Variants in MX1 observed in about 807,000 individuals in gnomAD.
MX1 encodes the protein interferon-induced GTP-binding protein Mx1.
Under a neutral mutation model 66.4 loss-of-function variants are expected in MX1, and 66 were observed. That is an observed-to-expected ratio of 0.99 (90% CI 0.82 to 1.22). The LOEUF (loss-of-function observed/expected upper bound fraction) is 1.22, where lower values mean the gene tolerates loss of function less well. Ranked by LOEUF, MX1 falls within the 50% of genes most tolerant of loss-of-function variation. The pLI, the probability that MX1 is intolerant of heterozygous loss-of-function variation, is 0.00. For synonymous variants in MX1, 311 were observed against 318.1 expected, an observed-to-expected ratio of 0.98 and a Z score of 0.24; for missense variants, 787 against 834.3, an observed-to-expected ratio of 0.94 and a Z score of 0.70.
In MX1 at chr21:41,440,939, T is replaced by C. The variant is rs1439237613; in HGVS notation, c.644T>C (p.Val215Ala). The C allele has an allele frequency of 6.2e-7, 1 of 1,614,136 alleles. No homozygotes were observed. The highest frequency in any genetic ancestry group is 8.5e-7 in the Non-Finnish European group (1 of 1,179,998). The change falls in exon 9 of 17, where the codon GTG becomes GCG. Residue 215 changes from valine (V) to alanine (A), a missense_variant. Transcript: ENST00000398598. ...CAGAGGCAGGAGACAATCAGCCTGGTGGTGGTCCCCAGTAATGTGGACATC... is the reference window on the plus strand; with the variant it reads ...CAGAGGCAGGAGACAATCAGCCTGGCGGTGGTCCCCAGTAATGTGGACATC... ...YIQRQETISLVVVPSNVDIAT... is the reference protein window; with the variant it reads ...YIQRQETISLAVVPSNVDIAT...
intron 16 of MX1, 52 bp downstream of exon 16, chr21:41,452,921 T>C (rs2090871849): frequency 6.3e-7 from 1 of 1,594,684 alleles, no homozygotes; most frequent in Non-Finnish European, 8.5e-7. Context: ...CCTTTTCTTC[T>C]GAACGCCTCT....
chr21:41,441,814 A>T lies in MX1; in HGVS notation c.829A>T (p.Ile277Phe). 1 of 1,614,130 alleles carries T rather than the reference A, an allele frequency of 6.2e-7. No homozygotes were observed. The highest frequency in any genetic ancestry group is 8.5e-7 in the Non-Finnish European group (1 of 1,180,016). ...GTTCCACCTGAAGAAGGGTTACATGATTGTCAAGTGCCGGGGCCAGCAGGA... is the reference window on the plus strand; with the variant it reads ...GTTCCACCTGAAGAAGGGTTACATGTTTGTCAAGTGCCGGGGCCAGCAGGA... ...LVFHLKKGYM[I>F]VKCRGQQEIQ... Residue 277 changes from isoleucine (I) to phenylalanine (F), a missense_variant, in exon 10 of 17, where the codon ATT becomes TTT. Transcript: ENST00000398598. This position sits in a 1 kb window ranked among gnomAD's most constrained non-coding sequence, Gnocchi z 4.0.
intron 5 of MX1, 44 bp downstream of exon 5, chr21:41,432,219 T>G: frequency 6.3e-7 from 1 of 1,577,722 alleles, no homozygotes; most frequent in Non-Finnish European, 8.7e-7. Context: ...ACATGAGCCA[T>G]GCCCATTCGA....
At chr21:41,425,822 A>C (rs2090047245), upstream of MX1, among the ~76,000 whole-genome samples, 1 of 152,122 alleles carries the variant, frequency 6.6e-6, no homozygotes, top group Admixed American at 6.5e-5. Flanking sequence ...ATTGGCACAC[A>C]ATGCCTGGGA....
At position 41,447,148 on chromosome 21, in the gene MX1, G is replaced by A. The variant is rs557464914; in HGVS notation, c.1273+1007G>A. ...CTGGAAGTCCAAGATCAAGATGTTG[G>A]TGGAGCTGGTTCCTTCTAAGGCCTC... On this transcript the variant is annotated intron_variant, in intron 13 of 16. Coordinates refer to ENST00000398598, the MANE Select transcript of MX1 (RefSeq NM_002462.5). Among the ~76,000 whole-genome samples, 272 of 152,262 alleles carry A rather than the reference G, an allele frequency of 1.8e-3. 1 individual carries two copies. Among genetic ancestry groups the A allele is most frequent in the African/African-American group, 6.3e-3 (262 of 41,546 alleles).
At chr21:41,436,411 A>G (rs970055170) in intron 6 of MX1, among the ~76,000 whole-genome samples, 5 of 152,250 alleles carry the variant, frequency 3.3e-5, no homozygotes, top group African/African-American at 1.2e-4. Flanking sequence ...ACACCATTTC[A>G]TAACGCTATC....
At chr21:41,432,234 G>A in intron 5 of MX1, 59 bp downstream of exon 5, 1 of 1,512,782 alleles carries the variant, frequency 6.6e-7, no homozygotes, top group South Asian at 1.1e-5. Flanking sequence ...ATTCGAGGCT[G>A]CCCTTTTCTA....
At chr21:41,428,507 G>A (rs180828378) in intron 3 of MX1, 4 of 152,228 alleles carry the variant, frequency 2.6e-5, no homozygotes, top group African/African-American at 4.8e-5. Context: ...CAGGGACCTC[G>A]TCCTCGGCTG....
At chr21:41,420,981 C>G (rs567892817) in intron 1 of MX1, among the ~76,000 whole-genome samples, 49 of 152,238 alleles carry the variant, frequency 3.2e-4, no homozygotes, top group African/African-American at 1.1e-3. Flanking sequence ...ATAAGGGGAC[C>G]CAGGGAACCA....
rs189501407 is a variant in MX1, at chr21:41,435,745, C to G, written c.106-92C>G. On this transcript the variant is annotated intron_variant, in intron 5 of 16. Coordinates refer to ENST00000398598, the MANE Select transcript of MX1 (RefSeq NM_002462.5). ...CGTAGGGATTATGGGGATTACAATT[C>G]GAGATGAGATTTGGGTAGGGACACA... The G allele has an allele frequency of 3.8e-5, 52 of 1,372,194 alleles. No homozygotes were observed. In the African/African-American group the frequency reaches 6.8e-4, roughly 18 times the overall value. The allele number at this position is 1,372,194 out of a possible 1,614,324, so 85.0% of individuals were successfully genotyped here.
intron 14 of MX1, among the ~76,000 whole-genome samples, chr21:41,450,378 C>T (rs1162480993): frequency 6.6e-6 from 1 of 152,188 alleles, no homozygotes; most frequent in Non-Finnish European, 1.5e-5. Context: ...TCCTTACTCA[C>T]ACTTCAGCTG....
chr21:41,436,735 G>A (rs1221791981), intron 6 of MX1, among the ~76,000 whole-genome samples: 2 of 152,198 alleles, frequency 1.3e-5, no homozygotes, highest in African/African-American at 4.8e-5. Flanking sequence ...TGCCACCTGA[G>A]CTGATGGCAG....
chr21:41,427,098 A>G (rs1324165185), intron 1 of MX1, 108 bp from the exon 2 acceptor site: 1 of 152,288 alleles, frequency 6.6e-6, no homozygotes, highest in African/African-American at 2.4e-5. Flanking sequence ...TAAATTTTAA[A>G]TCACGTTTGT....
rs768751466 is a variant in MX1, at chr21:41,435,951, G to A, written c.220G>A (p.Ala74Thr). The A allele has an allele frequency of 6.5e-5, 105 of 1,614,088 alleles. No individual in the cohort carries two copies. Among genetic ancestry groups the A allele is most frequent in the South Asian group, 3.0e-4 (27 of 91,084 alleles). ...VEQDLALPAIAVIGDQSSGKS... is the reference protein window; with the variant it reads ...VEQDLALPAITVIGDQSSGKS... ...GCAGGACCTGGCCCTGCCAGCCATC[G>A]CCGTCATCGGGGACCAGAGCTCGGG... Residue 74 changes from alanine to threonine, a missense_variant, in exon 6 of 17, where the codon GCC becomes ACC. By Grantham distance (58) the Ala-to-Thr change is moderately conservative. Coordinates refer to ENST00000398598, the MANE Select transcript of MX1 (RefSeq NM_002462.5).
chr21:41,440,063 C>T (rs1174206703), intron 8 of MX1, among the ~76,000 whole-genome samples: 2 of 152,082 alleles, frequency 1.3e-5, no homozygotes, highest in Non-Finnish European at 2.9e-5. Flanking sequence ...GAAAGTGAGG[C>T]CAGTGGGCAC....
chr21:41,448,421 T>C (rs2146301103), intron 13 of MX1, among the ~76,000 whole-genome samples: 1 of 152,372 alleles, frequency 6.6e-6, no homozygotes, highest in East Asian at 1.9e-4. Context: ...CTAATGGGCA[T>C]GCAGTTGAGG....
At chr21:41,420,619 A>C (rs1029757132) in exon 1 of MX1, 1 of 152,324 alleles carries the variant, frequency 6.6e-6, no homozygotes, top group African/African-American at 2.4e-5. Flanking sequence ...CGGAGAGCGC[A>C]GGGAGAAGTA....
intron 4 of MX1, among the ~76,000 whole-genome samples, chr21:41,431,304 G>C (rs1231244231): frequency 6.6e-6 from 1 of 152,170 alleles, no homozygotes; most frequent in Non-Finnish European, 1.5e-5. Context: ...TGGGATACAG[G>C]CGTGAGCTAC....
intron 5 of MX1, among the ~76,000 whole-genome samples, chr21:41,434,086 C>T (rs1723098627): frequency 6.6e-6 from 1 of 152,162 alleles, no homozygotes; most frequent in South Asian, 2.1e-4. Flanking sequence ...CTTCTAACCC[C>T]AAATATGAAT....
Sources: gnomAD v4.1 joint callset for allele counts (sites outside exome capture counted in the v4.1 genomes callset) on GRCh38, gnomAD v4.1.1 for gene constraint, Gnocchi (gnomAD v3.1) non-coding constraint, MANE v1.5 for transcripts, NCBI Gene and HGNC (gene_info 2026-07-23, HGNC 2026-07-21) for gene names.